The following KHDRBS2 variants were observed in gnomAD, a reference collection of about 807,000 sequenced individuals.
KHDRBS2 encodes the protein KH RNA binding domain containing, signal transduction associated 2.
Under a neutral mutation model 44.3 loss-of-function variants are expected in KHDRBS2, and 26 were observed. The observed-to-expected ratio is 0.59, with a 90% CI of 0.43 to 0.81. The LOEUF is 0.81. KHDRBS2 is among the 40% of genes least tolerant of loss of function. The pLI is 0.00. For synonymous variants in KHDRBS2, 194 were observed against 151.1 expected, an observed-to-expected ratio of 1.28 and a Z score of -2.08; for missense variants, 476 against 433.1, an observed-to-expected ratio of 1.10 and a Z score of -0.88.
In KHDRBS2 at chr6:61,901,319, T is replaced by C. The variant is rs1457602154; in HGVS notation, c.536A>G (p.Asn179Ser). 3 of 1,613,220 alleles carry C rather than the reference T, an allele frequency of 1.9e-6. No individual in the cohort carries two copies. The African/African-American group carries it at 4.0e-5, about 22-fold the overall frequency. Residue 179 changes from asparagine (N) to serine (S), a missense_variant, in exon 5 of 9, where the codon AAT (asparagine) becomes AGT (serine). Asn to Ser is a conservative substitution (Grantham distance 46, BLOSUM62 1). Transcript: ENST00000281156. ...QEQLRELSYL[N>S]GSEDSGRGRG... ...GCCACGACCAGAGTCCTCTGAGCCA[T>C]TTAAGTAAGATAATTCACGTAGTTG... is the stretch of plus-strand genomic sequence containing the variant.
At chr6:61,605,479 G>C in the KHDRBS2 span, among the ~76,000 whole-genome samples, 1 of 152,034 alleles carries the variant, frequency 6.6e-6, no homozygotes, top group African/African-American at 2.4e-5. Flanking sequence ...CTCTCTAATT[G>C]GATGTCCTGG....
the KHDRBS2 span, among the ~76,000 whole-genome samples, chr6:61,570,947 C>T: frequency 6.6e-6 from 1 of 151,804 alleles, no homozygotes; most frequent in African/African-American, 2.4e-5. Context: ...CCTTAAAATA[C>T]ACCAAAATAG....
chr6:62,010,817 T>A (rs535414514), intron 3 of KHDRBS2, among the ~76,000 whole-genome samples: 2 of 152,338 alleles, frequency 1.3e-5, no homozygotes, highest in East Asian at 1.9e-4. Context: ...CCTGCTTTTT[T>A]AAACTGTTAA....
chr6:62,192,584 A>C (rs1824852369), intron 1 of KHDRBS2, among the ~76,000 whole-genome samples: 1 of 152,158 alleles, frequency 6.6e-6, no homozygotes, highest in African/African-American at 2.4e-5. Flanking sequence ...TAATTACATT[A>C]GGCATTCCTT....
the KHDRBS2 span, among the ~76,000 whole-genome samples, chr6:61,627,114 G>A: frequency 1.3e-5 from 2 of 151,078 alleles, no homozygotes; most frequent in East Asian, 1.9e-4. Context: ...TTAGCCGGGC[G>A]TGGTAGCGGG....
chr6:61,855,534 T>G (rs946551414), intron 6 of KHDRBS2, among the ~76,000 whole-genome samples: 2 of 151,860 alleles, frequency 1.3e-5, no homozygotes, highest in African/African-American at 4.8e-5. Flanking sequence ...ATATTAGAAC[T>G]ACATCTCTTT....
chr6:61,673,923 A>G, the KHDRBS2 span, among the ~76,000 whole-genome samples: 1 of 151,064 alleles, frequency 6.6e-6, no homozygotes, highest in South Asian at 2.1e-4. Context: ...GGAAAAAACT[A>G]CTTTAAAGTT....
the KHDRBS2 span, among the ~76,000 whole-genome samples, chr6:61,596,469 T>C: frequency 6.6e-6 from 1 of 152,150 alleles, no homozygotes; most frequent in Non-Finnish European, 1.5e-5. Context: ...AGACATGTAG[T>C]CCTATAGCTA....
chr6:62,042,658 C>T (rs1035942456), intron 3 of KHDRBS2, among the ~76,000 whole-genome samples: 4 of 152,082 alleles, frequency 2.6e-5, no homozygotes, highest in African/African-American at 9.7e-5. Flanking sequence ...GGTTCACACC[C>T]ATATTGCCCA....
At chr6:61,700,292 A>T (rs1470123641) in intron 7 of KHDRBS2, among the ~76,000 whole-genome samples, 4 of 151,512 alleles carry the variant, frequency 2.6e-5, no homozygotes, top group African/African-American at 7.3e-5. Flanking sequence ...ATTGCTTAAG[A>T]TAAGAGACAG....
At chr6:62,102,116 A>G (rs751730824) in intron 2 of KHDRBS2, among the ~76,000 whole-genome samples, 15 of 152,248 alleles carry the variant, frequency 9.9e-5, no homozygotes, top group Non-Finnish European at 1.9e-4. Flanking sequence ...TTTATAAAAC[A>G]ATAATAATGA....
intron 6 of KHDRBS2, among the ~76,000 whole-genome samples, chr6:61,745,722 A>T (rs1776764522): frequency 6.6e-6 from 1 of 152,190 alleles, no homozygotes; most frequent in Admixed American, 6.5e-5. Context: ...TATATTTCTA[A>T]TCATAGAAAT....
the KHDRBS2 span, among the ~76,000 whole-genome samples, chr6:61,601,792 C>T: frequency 1.3e-5 from 2 of 152,086 alleles, no homozygotes; most frequent in Non-Finnish European, 1.5e-5. Context: ...AACTTCTGCT[C>T]TCCCACCCTA....
intron 2 of KHDRBS2, among the ~76,000 whole-genome samples, chr6:62,131,568 T>C (rs1361591228): frequency 3.9e-5 from 6 of 152,272 alleles, no homozygotes; most frequent in Non-Finnish European, 1.5e-5. Flanking sequence ...ACAGTGACAC[T>C]GATGAAACAT....
At chr6:61,572,864 A>G in the KHDRBS2 span, among the ~76,000 whole-genome samples, 1 of 152,196 alleles carries the variant, frequency 6.6e-6, no homozygotes, top group Non-Finnish European at 1.5e-5. Flanking sequence ...CCAACATTAC[A>G]TTAAACAGGG....
intron 2 of KHDRBS2, among the ~76,000 whole-genome samples, chr6:62,069,711 A>G (rs1292806224): frequency 6.6e-6 from 1 of 151,822 alleles, no homozygotes; most frequent in Non-Finnish European, 1.5e-5. Flanking sequence ...AGTTCACTGC[A>G]ATAGCAACAA....
chr6:62,021,281 G>A (rs1782251979), intron 3 of KHDRBS2, among the ~76,000 whole-genome samples: 1 of 151,926 alleles, frequency 6.6e-6, no homozygotes, highest in Admixed American at 6.6e-5. Flanking sequence ...GGAGGAGGGA[G>A]AGATTCAGAA....
intron 1 of KHDRBS2, among the ~76,000 whole-genome samples, chr6:62,217,861 A>G (rs557419859): frequency 6.6e-6 from 1 of 152,012 alleles, no homozygotes; most frequent in Non-Finnish European, 1.5e-5. Flanking sequence ...TGATTGATTG[A>G]CACTAGGGCA....
At chr6:61,580,737 G>A in the KHDRBS2 span, among the ~76,000 whole-genome samples, 2 of 152,052 alleles carry the variant, frequency 1.3e-5, no homozygotes, top group African/African-American at 4.8e-5. Context: ...GTGAAGGTCT[G>A]CGGCTTCATT....
Sources: allele counts gnomAD v4.1 joint callset (sites outside exome capture counted in the v4.1 genomes callset), GRCh38; gene constraint gnomAD v4.1.1; transcripts MANE v1.5; gene names NCBI Gene and HGNC (gene_info 2026-07-23, HGNC 2026-07-21).